The following RBFOX3 variants were observed in gnomAD, a reference collection of about 807,000 sequenced individuals.
RBFOX3 encodes RNA binding fox-1 homolog 3.
Under a neutral mutation model 48.7 loss-of-function variants are expected in RBFOX3, and 17 were observed. The ratio of observed to expected loss-of-function variants is 0.35; its 90% confidence interval spans 0.24 to 0.52. The LOEUF (loss-of-function observed/expected upper bound fraction) is 0.52. Among genes scored for constraint, RBFOX3 ranks in the 20% least tolerant of loss-of-function variants. The probability of loss-of-function intolerance (pLI) is 0.94; values close to 1 mark genes in which losing one functional copy is unlikely to be tolerated. For synonymous variants in RBFOX3, 212 were observed against 209.5 expected (o/e 1.01, Z -0.10); for missense variants, 382 against 497.5 (o/e 0.77, Z 2.21).
At chr17:79,433,133 C>T (rs146830370) in intron 2 of RBFOX3, among the ~76,000 whole-genome samples, 4 of 152,284 alleles carry the variant, frequency 2.6e-5, no homozygotes, top group African/African-American at 7.2e-5. Context: ...CAGGGAGACA[C>T]GGTCACTCAG....
At chr17:79,298,790 G>C (rs556939993) in intron 3 of RBFOX3, among the ~76,000 whole-genome samples, 1 of 152,312 alleles carries the variant, frequency 6.6e-6, no homozygotes, top group Admixed American at 6.5e-5. Flanking sequence ...GGGGTGGTAG[G>C]AGAGCTGGAG....
At chr17:79,374,968 G>T (rs1400663853) in intron 2 of RBFOX3, among the ~76,000 whole-genome samples, 1 of 151,870 alleles carries the variant, frequency 6.6e-6, no homozygotes, top group African/African-American at 2.4e-5. Flanking sequence ...TCTCCCTCCT[G>T]CCCCAGCCCT....
the RBFOX3 span, among the ~76,000 whole-genome samples, chr17:79,627,932 G>A: frequency 6.7e-6 from 1 of 149,794 alleles, no homozygotes; most frequent in Non-Finnish European, 1.5e-5. Flanking sequence ...CACGGTCCCC[G>A]TCAACCCCCT....
Position 79,335,093 on chromosome 17 carries a change from T to C in RBFOX3, c.-174-27269A>G, listed in dbSNP as rs561016523. Among the ~76,000 whole-genome samples, 4 of 152,352 alleles carry C rather than the reference T, an allele frequency of 2.6e-5. No individual in the cohort carries two copies. In the South Asian group the frequency reaches 8.3e-4, roughly 32 times the overall value. ...TCATCACACTGTGTCTGCCTCTGCA[T>C]CCAGGTGCTTCATTAGAGGGGCGTA... On this transcript the variant is annotated intron_variant, in intron 2 of 14. Coordinates refer to ENST00000693108, the MANE Select transcript of RBFOX3 (RefSeq NM_001350451.2).
At chr17:79,640,377 A>T in the RBFOX3 span, among the ~76,000 whole-genome samples, 2 of 152,332 alleles carry the variant, frequency 1.3e-5, no homozygotes, top group East Asian at 1.9e-4. Flanking sequence ...TGTGCATACC[A>T]CCTACCACGC....
chr17:79,574,252 G>C (rs2092782923), intron 1 of RBFOX3, among the ~76,000 whole-genome samples: 1 of 152,206 alleles, frequency 6.6e-6, no homozygotes, highest in African/African-American at 2.4e-5. Context: ...GCAGAATGAG[G>C]CTGAGGCCTG....
the RBFOX3 span, among the ~76,000 whole-genome samples, chr17:79,645,968 T>G: frequency 6.6e-6 from 1 of 152,296 alleles, no homozygotes; most frequent in African/African-American, 2.4e-5. Flanking sequence ...CCGCAAAAAC[T>G]GTTTCCTCTC....
chr17:79,357,504 G>A (rs544108989), intron 2 of RBFOX3, among the ~76,000 whole-genome samples: 7 of 152,196 alleles, frequency 4.6e-5, no homozygotes, highest in African/African-American at 7.2e-5. Context: ...GGTGGCGCAC[G>A]CCTGTAGTCC....
rs10641407 is a variant in RBFOX3 at position 79,220,598 on chromosome 17, G to GGT, written c.-34+15166_-34+15167dup. 0.18 allele frequency among the ~76,000 whole-genome samples: 26,524 copies of GGT among 150,676 alleles called. 2,789 individuals are homozygous for GGT. Among genetic ancestry groups the GGT allele is most frequent in the African/African-American group, 0.3 (12,203 of 41,050 alleles). On this transcript the variant is annotated intron_variant, in intron 4 of 14. Coordinates refer to ENST00000693108, the MANE Select transcript of RBFOX3 (RefSeq NM_001350451.2). The surrounding 1 kb of genome is among the most constrained non-coding windows in gnomAD (Gnocchi z 5.9). ...TCATCAAGCAGGGGACCCAGGGGAGGGTGTGTGTGTGTGTGTGTCGGGGGG... is the reference window on the plus strand; with the variant it reads ...TCATCAAGCAGGGGACCCAGGGGAGGGTGTGTGTGTGTGTGTGTGTCGGGGGG...
At chr17:79,237,757 C>G (rs534226507) in intron 3 of RBFOX3, among the ~76,000 whole-genome samples, 1 of 152,306 alleles carries the variant, frequency 6.6e-6, no homozygotes, top group Non-Finnish European at 1.5e-5. Context: ...AGCCCCTGTT[C>G]TCCTCCCCAG....
At chr17:79,476,019 G>T (rs1432135737) in intron 2 of RBFOX3, among the ~76,000 whole-genome samples, 1 of 152,200 alleles carries the variant, frequency 6.6e-6, no homozygotes, top group Non-Finnish European at 1.5e-5. Flanking sequence ...TGAATTTCCA[G>T]CCCCACTGGC....
intron 1 of RBFOX3, among the ~76,000 whole-genome samples, chr17:79,534,000 T>A (rs1177827069): frequency 6.6e-6 from 1 of 152,234 alleles, no homozygotes; most frequent in Non-Finnish European, 1.5e-5. Flanking sequence ...TAACTCTATG[T>A]CATACCAAAT....
Position 79,103,376 on chromosome 17 carries a change from G to T in RBFOX3, c.415-122C>A. 2 of 700,636 alleles carry T rather than the reference G, an allele frequency of 2.9e-6. No individual in the cohort carries two copies. The highest frequency in any genetic ancestry group is 4.3e-5 in the Admixed American group (2 of 46,766). The allele number at this position is 700,636 out of a possible 1,614,324, so 43.4% of individuals were successfully genotyped here. On this transcript the variant is annotated intron_variant, in intron 7 of 14. Coordinates refer to ENST00000693108, the MANE Select transcript of RBFOX3 (RefSeq NM_001350451.2). The surrounding 1 kb of genome is among the most constrained non-coding windows in gnomAD (Gnocchi z 6.1). ...GGGGAGTGGGGAGAGAGAGAGAAGGGGTTGAGTCAGGTGAGTTGAGGCAGA... is the reference window on the plus strand; with the variant it reads ...GGGGAGTGGGGAGAGAGAGAGAAGGTGTTGAGTCAGGTGAGTTGAGGCAGA...
chr17:79,345,931 T>A (rs1054633691), intron 2 of RBFOX3, among the ~76,000 whole-genome samples: 1 of 152,192 alleles, frequency 6.6e-6, no homozygotes, highest in Non-Finnish European at 1.5e-5. Flanking sequence ...TTTGTTTGTT[T>A]GTTTTGTTTT....
At chr17:79,437,223 C>T (rs2069692238) in intron 2 of RBFOX3, among the ~76,000 whole-genome samples, 2 of 152,124 alleles carry the variant, frequency 1.3e-5, no homozygotes, top group Admixed American at 1.3e-4. Context: ...CGCCCCATCC[C>T]CAAGCCCCAG....
intron 2 of RBFOX3, among the ~76,000 whole-genome samples, chr17:79,445,811 C>T (rs1555737892): frequency 6.6e-6 from 1 of 152,194 alleles, no homozygotes; most frequent in Non-Finnish European, 1.5e-5. Flanking sequence ...GCAGGACAGT[C>T]CCCAAATCAC....
At chr17:79,256,466 C>CT (rs1251070123) in intron 3 of RBFOX3, among the ~76,000 whole-genome samples, 3 of 152,222 alleles carry the variant, frequency 2.0e-5, no homozygotes, top group African/African-American at 7.2e-5. Flanking sequence ...AATTCATTTA[C>CT]TTTAATGAGA....
chr17:79,630,299 C>G, the RBFOX3 span, among the ~76,000 whole-genome samples: 1 of 152,228 alleles, frequency 6.6e-6, no homozygotes, highest in South Asian at 2.1e-4. Context: ...TGCAGCACCT[C>G]CGTGCCCAGA....
Position 79,311,130 on chromosome 17 carries a change from C to G in RBFOX3, c.-174-3306G>C, listed in dbSNP as rs1465282319. Among the ~76,000 whole-genome samples, 2 of 152,210 alleles carry G rather than the reference C, an allele frequency of 1.3e-5. No individual in the cohort carries two copies. The highest frequency in any genetic ancestry group is 2.9e-5 in the Non-Finnish European group (2 of 68,038). On this transcript the variant is annotated intron_variant, in intron 2 of 14. Transcript: ENST00000693108. This position sits in a 1 kb window ranked among gnomAD's most constrained non-coding sequence, Gnocchi z 4.2. ...ACTAAGGTTCCCTGGGGAAAACATT[C>G]TGCCTCAAGACCGCAGCACCAGCTG...
Sources: gnomAD v4.1 joint callset for allele counts (sites outside exome capture counted in the v4.1 genomes callset) on GRCh38, gnomAD v4.1.1 for gene constraint, Gnocchi (gnomAD v3.1) non-coding constraint, MANE v1.5 for transcripts, NCBI Gene and HGNC (gene_info 2026-07-23, HGNC 2026-07-21) for gene names.